GRB2: variants seen among roughly 807,000 people sequenced by gnomAD.
GRB2 encodes the protein growth factor receptor-bound protein 2.
A neutral mutation model predicts 27.4 loss-of-function variants in GRB2; 2 were observed. The observed-to-expected ratio is 0.07, with a 90% confidence interval of 0.03 to 0.23. The LOEUF (loss-of-function observed/expected upper bound fraction) is 0.23. Ranked by LOEUF, GRB2 falls within the 10% of genes least tolerant of loss-of-function variation. The pLI, the probability that GRB2 is intolerant of heterozygous loss-of-function variation, is 1.00. For missense variants in GRB2, 102 were observed against 282.4 expected (o/e 0.36, Z 4.58); for synonymous variants, 94 against 99.6 (o/e 0.94, Z 0.33).
At chr17:75,324,507 G>GTTTTTTTT (rs767194304) in intron 4 of GRB2, among the ~76,000 whole-genome samples, 1,115 of 36,568 alleles carry the variant, frequency 0.03, 83 homozygotes, top group East Asian at 0.066. Flanking sequence ...ACCGCACCCA[G>GTTTTTTTT]TTTTTTTTTT....
At chr17:75,366,603 A>C (rs1007326560) in intron 2 of GRB2, among the ~76,000 whole-genome samples, 2 of 151,778 alleles carry the variant, frequency 1.3e-5, no homozygotes, top group Non-Finnish European at 2.9e-5. Context: ...ATTCAAAGCC[A>C]GCCTGGGCAC....
chr17:75,373,519 T>C (rs1423907199), intron 2 of GRB2: 1 of 152,186 alleles, frequency 6.6e-6, no homozygotes, highest in Non-Finnish European at 1.5e-5. Flanking sequence ...TTGGCTAATG[T>C]TAGAAACAAA....
At chr17:75,386,938 G>A (rs2078967591) in intron 2 of GRB2, among the ~76,000 whole-genome samples, 1 of 151,848 alleles carries the variant, frequency 6.6e-6, no homozygotes, top group Admixed American at 6.6e-5. Context: ...CACTTTGGGA[G>A]GCTGAGAGGG....
intron 2 of GRB2, among the ~76,000 whole-genome samples, chr17:75,349,297 A>C (rs1282574935): frequency 6.6e-6 from 1 of 152,152 alleles, no homozygotes; most frequent in Admixed American, 6.5e-5. Context: ...GATGTGGCTC[A>C]ATCAAGCAGG....
At chr17:75,343,896 T>A (rs2078638259) in intron 2 of GRB2, among the ~76,000 whole-genome samples, 1 of 151,816 alleles carries the variant, frequency 6.6e-6, no homozygotes, top group Non-Finnish European at 1.5e-5. Context: ...TCAAGAAAAA[T>A]CTGTGTATTT....
intron 1 of GRB2, among the ~76,000 whole-genome samples, chr17:75,402,131 C>G (rs1236544107): frequency 6.6e-6 from 1 of 152,210 alleles, no homozygotes; most frequent in Non-Finnish European, 1.5e-5. Context: ...GCAAAATCAT[C>G]TAACACAAAG....
chr17:75,361,056 C>T (rs2078778355), intron 2 of GRB2, among the ~76,000 whole-genome samples: 1 of 152,154 alleles, frequency 6.6e-6, no homozygotes, highest in African/African-American at 2.4e-5. Context: ...CAGGCATCAG[C>T]CACTATGCCT....
intron 1 of GRB2, among the ~76,000 whole-genome samples, chr17:75,401,488 A>G (rs1204499527): frequency 2.0e-5 from 3 of 149,516 alleles, no homozygotes; most frequent in African/African-American, 7.4e-5. Flanking sequence ...AACAATGGTT[A>G]TCTCTGCTAG....
At chr17:75,323,917 C>A (rs1232986154) in intron 4 of GRB2, among the ~76,000 whole-genome samples, 2 of 151,810 alleles carry the variant, frequency 1.3e-5, no homozygotes, top group South Asian at 2.1e-4. Flanking sequence ...TCAAGTGATT[C>A]TCCTGCTTCA....
At chr17:75,366,500 C>CAAAAAAAA in intron 2 of GRB2, among the ~76,000 whole-genome samples, 1 of 111,902 alleles carries the variant, frequency 8.9e-6, no homozygotes, top group East Asian at 2.5e-4. Context: ...GATCAGCTTC[C>CAAAAAAAA]AAAAAAAAAA....
intron 2 of GRB2, among the ~76,000 whole-genome samples, chr17:75,334,950 T>G (rs2078567075): frequency 1.3e-5 from 2 of 151,660 alleles, no homozygotes; most frequent in African/African-American, 4.8e-5. Flanking sequence ...CTTCCTGGGT[T>G]CAAGCTATCC....
At chr17:75,398,137 T>C (rs1042466738) in intron 1 of GRB2, among the ~76,000 whole-genome samples, 2 of 151,892 alleles carry the variant, frequency 1.3e-5, no homozygotes, top group Non-Finnish European at 2.9e-5. Context: ...AAAGAAATTT[T>C]AAATGTTACT....
At position 75,320,681 on chromosome 17, in the gene GRB2, C is replaced by G; in HGVS notation, c.469-128G>C. The G allele has an allele frequency of 1.5e-6, 1 of 663,012 alleles. No homozygotes were observed. Among genetic ancestry groups the G allele is most frequent in the Non-Finnish European group, 2.7e-6 (1 of 375,814 alleles). 41.1% of individuals were successfully genotyped at this position (663,012 alleles called of 1,614,324 possible). ...TCTCCATGTTTCTTAAACTCACCTCCCATCTCCCAACCCCCCGTTTATTCT... is the reference window on the plus strand; with the variant it reads ...TCTCCATGTTTCTTAAACTCACCTCGCATCTCCCAACCCCCCGTTTATTCT... On this transcript the variant is annotated intron_variant, in intron 5 of 5. Transcript: ENST00000316804. This position sits in a 1 kb window ranked among gnomAD's most constrained non-coding sequence, Gnocchi z 4.3.
At chr17:75,376,580 C>T (rs2078895501) in intron 2 of GRB2, among the ~76,000 whole-genome samples, 1 of 150,348 alleles carries the variant, frequency 6.7e-6, no homozygotes, top group Non-Finnish European at 1.5e-5. Flanking sequence ...TGCACATAGA[C>T]ATTTTTAGCC....
chr17:75,337,871 TTACTACTACTACTAC>T (rs1224394398), intron 2 of GRB2, among the ~76,000 whole-genome samples: 1 of 117,630 alleles, frequency 8.5e-6, no homozygotes, highest in African/African-American at 3.2e-5. Context: ...CGGCCTACTA[TTACTACTACTACTAC>T]TACTACTACT....
chr17:75,379,619 T>C (rs1470523579), intron 2 of GRB2, among the ~76,000 whole-genome samples: 2 of 152,018 alleles, frequency 1.3e-5, no homozygotes, highest in Non-Finnish European at 2.9e-5. Context: ...AGGCTGGTCT[T>C]GAACTCCTGA....
chr17:75,326,111 T>C (rs1598217215), intron 3 of GRB2, 91 bp from the exon 4 acceptor site: 1 of 1,471,814 alleles, frequency 6.8e-7, no homozygotes, highest in East Asian at 2.3e-5. Context: ...CAACACTCCT[T>C]GCCAGAGGAA....
chr17:75,342,234 C>T (rs905466316), intron 2 of GRB2, among the ~76,000 whole-genome samples: 2 of 152,036 alleles, frequency 1.3e-5, no homozygotes, highest in African/African-American at 2.4e-5. Context: ...ATGTCTTGGC[C>T]CCCTCCCAAA....
At chr17:75,329,654 A>G (rs1212078262) in intron 3 of GRB2, among the ~76,000 whole-genome samples, 3 of 152,178 alleles carry the variant, frequency 2.0e-5, no homozygotes, top group Non-Finnish European at 4.4e-5. Flanking sequence ...GCACTTTGGG[A>G]GGCTAAGGTG....
Sources: gnomAD v4.1 joint callset for allele counts (sites outside exome capture counted in the v4.1 genomes callset) on GRCh38, gnomAD v4.1.1 for gene constraint, Gnocchi (gnomAD v3.1) non-coding constraint, MANE v1.5 for transcripts, NCBI Gene and HGNC (gene_info 2026-07-23, HGNC 2026-07-21) for gene names.